Variants in GPM6A observed in about 807,000 individuals in gnomAD.
The protein encoded by GPM6A is glycoprotein M6A.
A neutral mutation model predicts 32.1 loss-of-function variants in GPM6A; 7 were observed. That is an observed-to-expected ratio of 0.22 (90% CI 0.12 to 0.41). GPM6A has a LOEUF of 0.41. Among genes scored for constraint, GPM6A ranks in the 10% least tolerant of loss-of-function variants. The pLI, the probability that GPM6A is intolerant of heterozygous loss-of-function variation, is 1.00. For synonymous variants in GPM6A, 130 were observed against 123.4 expected, an observed-to-expected ratio of 1.05 and a Z score of -0.35; for missense variants, 235 against 347.2, an observed-to-expected ratio of 0.68 and a Z score of 2.57.
chr4:175,949,545 A>C (rs750147032), intron 1 of GPM6A, among the ~76,000 whole-genome samples: 2 of 151,300 alleles, frequency 1.3e-5, no homozygotes, highest in Admixed American at 6.5e-5. Flanking sequence ...ATGTAAAACA[A>C]ATATGAGTTT....
At chr4:175,783,704 A>T (rs1480503575) in intron 1 of GPM6A, among the ~76,000 whole-genome samples, 1 of 152,000 alleles carries the variant, frequency 6.6e-6, no homozygotes, top group African/African-American at 2.4e-5. Flanking sequence ...GATAAGAATT[A>T]TTGGCAATAT....
At chr4:175,826,154 T>C (rs1199253470) in intron 1 of GPM6A, among the ~76,000 whole-genome samples, 1 of 150,992 alleles carries the variant, frequency 6.6e-6, no homozygotes, top group African/African-American at 2.5e-5. Flanking sequence ...AGGGAGACAC[T>C]GTCTCAAAAC....
At chr4:175,836,796 T>C (rs1490845704) in intron 1 of GPM6A, among the ~76,000 whole-genome samples, 1 of 152,156 alleles carries the variant, frequency 6.6e-6, no homozygotes, top group Non-Finnish European at 1.5e-5. Context: ...CACAGAATTT[T>C]GGCTTTTATG....
upstream of GPM6A, chr4:175,812,647 T>G (rs1734976491): frequency 1.0e-6 from 1 of 988,862 alleles, no homozygotes; most frequent in Non-Finnish European, 1.2e-6. Flanking sequence ...TGTATTGAAA[T>G]CTGGGCTTTA....
intron 1 of GPM6A, among the ~76,000 whole-genome samples, chr4:175,706,864 C>G (rs1460541383): frequency 6.6e-6 from 1 of 152,138 alleles, no homozygotes; most frequent in Non-Finnish European, 1.5e-5. Context: ...AGCTAAAACC[C>G]AAAAACCAAG....
At chr4:175,843,127 A>G (rs180977250) in intron 1 of GPM6A, among the ~76,000 whole-genome samples, 66 of 152,246 alleles carry the variant, frequency 4.3e-4, no homozygotes, top group African/African-American at 1.6e-3. Flanking sequence ...TTTCTAAACT[A>G]AAGAGGTCTA....
chr4:175,794,528 C>T (rs1473210613), intron 1 of GPM6A, among the ~76,000 whole-genome samples: 1 of 152,118 alleles, frequency 6.6e-6, no homozygotes, highest in East Asian at 1.9e-4. Flanking sequence ...ACTTTGAATT[C>T]AAGATTAATA....
Position 175,953,030 on chromosome 4 carries a change from T to TAA in GPM6A, c.-23+49277_-23+49278dup, listed in dbSNP as rs376944274. ...GGGCGACAGAACAAGACCCTGTTTT[T>TAA]AAAAAAAAAAAAAAAAGGAGAGAAA... On this transcript the variant is annotated intron_variant, in intron 1 of 7. Coordinates refer to the GPM6A transcript ENST00000280187. Among the ~76,000 whole-genome samples, 52 of 135,442 alleles carry TAA rather than the reference T, an allele frequency of 3.8e-4. No individual in the cohort carries two copies. In the South Asian group the frequency reaches 4.3e-3, roughly 11 times the overall value. The allele number at this position is 135,442 out of a possible 152,430, so 88.9% of individuals were successfully genotyped here.
rs1455196227 is a variant in GPM6A at position 175,651,089 on chromosome 4, GC to G, written c.541+744del. ...CACAGCCTCTGATTCAACCTGCGTTGCCCGTGTTTGAATCCTATCTCTGTCA... is the reference window on the plus strand; with the variant it reads ...CACAGCCTCTGATTCAACCTGCGTTGCCGTGTTTGAATCCTATCTCTGTCA... On this transcript the variant is annotated intron_variant, in intron 4 of 6. Transcript: ENST00000393658. Among the ~76,000 whole-genome samples, 8 of 152,128 alleles carry G rather than the reference GC, an allele frequency of 5.3e-5. No homozygotes were observed. The East Asian group carries it at 1.5e-3, about 29-fold the overall frequency.
chr4:175,698,476 C>T (rs1744695050), intron 2 of GPM6A, among the ~76,000 whole-genome samples: 1 of 152,122 alleles, frequency 6.6e-6, no homozygotes, highest in African/African-American at 2.4e-5. Flanking sequence ...CTTCTGTTTC[C>T]TCAGCACTTT....
chr4:175,956,228 T>A (rs929450815), intron 1 of GPM6A, among the ~76,000 whole-genome samples: 14 of 152,202 alleles, frequency 9.2e-5, no homozygotes, highest in Non-Finnish European at 1.8e-4. Flanking sequence ...GAAAGACACA[T>A]GTTCTGTCTT....
At chr4:175,661,593 A>G (rs1742421402) in intron 3 of GPM6A, among the ~76,000 whole-genome samples, 1 of 152,180 alleles carries the variant, frequency 6.6e-6, no homozygotes, top group East Asian at 1.9e-4. Context: ...CCAGCATGTG[A>G]GTTTTTGCTC....
At chr4:175,929,466 T>A (rs1239789568) in intron 1 of GPM6A, among the ~76,000 whole-genome samples, 1 of 152,160 alleles carries the variant, frequency 6.6e-6, no homozygotes, top group African/African-American at 2.4e-5. Flanking sequence ...AAAACAAAGA[T>A]AAACTCAGTG....
intron 1 of GPM6A, among the ~76,000 whole-genome samples, chr4:175,975,984 A>C (rs994253206): frequency 1.5e-3 from 1 of 672 alleles, no homozygotes; most frequent in African/African-American, 1.8e-3. Context: ...GTATGCTAGG[A>C]ATAAAAAAAA....
chr4:175,810,847 A>G (rs562999053), intron 1 of GPM6A, among the ~76,000 whole-genome samples: 1 of 152,316 alleles, frequency 6.6e-6, no homozygotes, highest in South Asian at 2.1e-4. Context: ...CACTGATGAA[A>G]ACTTGGGCTA....
intron 1 of GPM6A, among the ~76,000 whole-genome samples, chr4:175,860,259 TGA>T (rs1003177075): frequency 9.3e-5 from 13 of 139,432 alleles, no homozygotes; most frequent in African/African-American, 3.1e-4. Flanking sequence ...AACTGAAAGC[TGA>T]GTCTTTGAAA....
rs1414955929 is a variant in GPM6A, at chr4:175,734,208, A to G, written c.38-32441T>C. 2.0e-5 allele frequency among the ~76,000 whole-genome samples: 3 copies of G among 150,910 alleles called. No individual in the cohort carries two copies. The East Asian group carries it at 5.9e-4, about 29-fold the overall frequency. On this transcript the variant is annotated intron_variant, in intron 1 of 6. Transcript: ENST00000393658. ...TGCCAGTGCTGCTCTTCTTACTTGC[A>G]ACTCTTCAATTTGTACTTTTATTAA...
At chr4:175,757,810 G>A (rs114994091) in intron 1 of GPM6A, among the ~76,000 whole-genome samples, 1 of 152,112 alleles carries the variant, frequency 6.6e-6, no homozygotes. Flanking sequence ...AGGAAGAAGG[G>A]TAACACTTGG....
chr4:175,889,518 C>CAAAAAAAAAAAAAAAAAAAAAAAA (rs35210127), intron 1 of GPM6A, among the ~76,000 whole-genome samples: 1 of 137,018 alleles, frequency 7.3e-6, no homozygotes, highest in Non-Finnish European at 1.6e-5. Flanking sequence ...ACCCTGTCTC[C>CAAAAAAAAAAAAAAAAAAAAAAAA]AAAAAAAAAA....
Sources: allele counts gnomAD v4.1 joint callset (sites outside exome capture counted in the v4.1 genomes callset), GRCh38; gene constraint gnomAD v4.1.1; transcripts MANE v1.5; gene names NCBI Gene and HGNC (gene_info 2026-07-23, HGNC 2026-07-21).